Variants in POF1B observed in about 807,000 individuals in gnomAD.
POF1B encodes the protein POF1B actin binding protein, also known as protein POF1B.
A neutral mutation model predicts 55.3 loss-of-function variants in POF1B; 53 were observed. That is an observed-to-expected ratio of 0.96 (90% CI 0.77 to 1.20). POF1B has a LOEUF of 1.20. POF1B is among the 50% of genes most tolerant of loss of function. The pLI is 0.00. For synonymous variants in POF1B, 188 were observed against 148.3 expected (o/e 1.27, Z -1.95); for missense variants, 478 against 420.5 (o/e 1.14, Z -1.20).
intron 14 of POF1B, among the ~76,000 whole-genome samples, chrX:85,303,695 C>T (rs894183914): frequency 9.0e-6 from 1 of 110,720 alleles, no homozygotes; most frequent in Non-Finnish European, 1.9e-5. Flanking sequence ...TATTATATGC[C>T]GGTGCAGGAA....
intron 7 of POF1B, among the ~76,000 whole-genome samples, chrX:85,327,266 C>A (rs1340311260): frequency 9.0e-6 from 1 of 111,295 alleles, no homozygotes; most frequent in Non-Finnish European, 1.9e-5. Context: ...TAGAAAGGAG[C>A]CCCAGTGTGT....
chrX:85,315,783 T>C (rs751950430), intron 7 of POF1B, 49 bp from the exon 8 acceptor site: 3 of 981,271 alleles, frequency 3.1e-6, no homozygotes, highest in South Asian at 2.6e-5. Flanking sequence ...AGGTATTCAC[T>C]GATCATATAT....
chrX:85,314,553 T>C (rs748820470), intron 8 of POF1B, 47 bp from the exon 9 acceptor site: 1 of 961,394 alleles, frequency 1.0e-6, no homozygotes, highest in Non-Finnish European at 1.4e-6. Flanking sequence ...ATATCAATCT[T>C]AAGATCAGCA....
intron 6 of POF1B, among the ~76,000 whole-genome samples, chrX:85,334,395 A>G (rs750600551): frequency 1.8e-5 from 2 of 111,752 alleles, no homozygotes; most frequent in South Asian, 3.7e-4. Context: ...CAAGGAAGGA[A>G]TACAGGCTGT....
At chrX:85,282,831 A>G (rs67488727) in intron 15 of POF1B, among the ~76,000 whole-genome samples, 23,677 of 110,109 alleles carry the variant, frequency 0.22, 2,450 homozygotes, top group African/African-American at 0.4. Flanking sequence ...CTTTGGGTGA[A>G]AACTGATCAG....
rs764682785 is a variant in POF1B at position 85,331,025 on chromosome X, A to G, written c.778T>C (p.Leu260=). 1.5e-5 allele frequency: 18 copies of G among 1,203,846 alleles called. No individual in the cohort carries two copies. Among genetic ancestry groups the G allele is most frequent in the Non-Finnish European group, 1.9e-5 (17 of 891,839 alleles). The change falls in exon 7 of 17, where the codon TTG becomes CTG. Residue 260 remains leucine (L), a synonymous_variant. Transcript: ENST00000262753. ...EKLDPRYFGE[L]LADLSRKNTD... is the part of the protein sequence containing the mutation. ...TTCTTACGGCTCAGATCAGCAAGCAACTCTCCAAAATATCTGGGGTCCAAT... is the reference window on the plus strand; with the variant it reads ...TTCTTACGGCTCAGATCAGCAAGCAGCTCTCCAAAATATCTGGGGTCCAAT...
intron 5 of POF1B, among the ~76,000 whole-genome samples, chrX:85,348,925 A>G (rs1439564514): frequency 1.8e-5 from 2 of 111,527 alleles, no homozygotes; most frequent in Non-Finnish European, 3.8e-5. Context: ...ATTCCTTACT[A>G]TTTAAAACGT....
rs138870815 is a variant in POF1B, at chrX:85,308,647, A to G, written c.958-431T>C. Among the ~76,000 whole-genome samples the G allele has an allele frequency of 7.9e-3, 876 of 111,543 alleles. 11 individuals carry two copies. The highest frequency in any genetic ancestry group is 0.027 in the African/African-American group (830 of 30,759). On this transcript the variant is annotated intron_variant, in intron 9 of 16. Coordinates refer to ENST00000262753, the MANE Select transcript of POF1B (RefSeq NM_024921.4). The stretch of plus-strand genomic sequence containing the variant: ...TTATAATTAAGTTTAACTTTAAAGT[A>G]TAGAGCTATCTAAATATTTTTGGTT...
At chrX:85,319,979 G>A (rs977259156) in intron 7 of POF1B, among the ~76,000 whole-genome samples, 3 of 110,810 alleles carry the variant, frequency 2.7e-5, no homozygotes, top group East Asian at 2.8e-4. Context: ...GTAGAATTTC[G>A]TTGTGAATGC....
intron 4 of POF1B, among the ~76,000 whole-genome samples, chrX:85,357,884 C>T (rs550579612): frequency 1.8e-5 from 2 of 110,825 alleles, no homozygotes; most frequent in Middle Eastern, 4.7e-3. Flanking sequence ...TAAAAATGCA[C>T]CTAAAATGCT....
At chrX:85,303,792 T>C (rs978011736) in intron 14 of POF1B, among the ~76,000 whole-genome samples, 4 of 111,464 alleles carry the variant, frequency 3.6e-5, no homozygotes, top group African/African-American at 1.3e-4. Flanking sequence ...TGAAAGTTTT[T>C]GCTCTGAAAA....
intron 7 of POF1B, among the ~76,000 whole-genome samples, chrX:85,318,437 T>A (rs1315582612): frequency 8.9e-6 from 1 of 111,983 alleles, no homozygotes. Flanking sequence ...TGTCATGAAG[T>A]CTTTGTCAGG....
Position 85,314,505 on chromosome X carries a change from G to A in POF1B, c.884C>T (p.Ser295Leu), listed in dbSNP as rs200954279. Residue 295 changes from serine (S) to leucine (L), a missense_variant and splice_region_variant, in exon 9 of 17, where the codon TCG (serine) becomes TTG (leucine). Ser to Leu is a moderately radical substitution (Grantham distance 145, BLOSUM62 -2). Transcript: ENST00000262753. ...SKQDFESTDE[S>L]EDIESLIPKG... ...AGGAATCAATGATTCAATGTCTTCCGACTGTAAGAAAAAAAGGCTTATCCA... is the reference window on the plus strand; with the variant it reads ...AGGAATCAATGATTCAATGTCTTCCAACTGTAAGAAAAAAAGGCTTATCCA... The A allele has an allele frequency of 1.9e-5, 22 of 1,177,053 alleles. No individual in the cohort carries two copies. Among genetic ancestry groups the A allele is most frequent in the South Asian group, 3.9e-5 (2 of 51,723 alleles).
At chrX:85,297,236 A>G (rs986296088) in intron 15 of POF1B, among the ~76,000 whole-genome samples, 10 of 112,113 alleles carry the variant, frequency 8.9e-5, no homozygotes, top group Non-Finnish European at 1.7e-4. Flanking sequence ...AGTCATTTCA[A>G]TTTGGTTAAG....
chrX:85,375,706 A>G (rs940695096), intron 2 of POF1B, among the ~76,000 whole-genome samples: 3 of 111,606 alleles, frequency 2.7e-5, no homozygotes. Context: ...AGTGGAAGAG[A>G]AGAGTTATCC....
At chrX:85,316,207 C>T (rs1305774938) in intron 7 of POF1B, among the ~76,000 whole-genome samples, 4 of 111,745 alleles carry the variant, frequency 3.6e-5, no homozygotes, top group African/African-American at 1.3e-4. Context: ...GCTTGCAAGA[C>T]AAGCCTGAAT....
intron 4 of POF1B, among the ~76,000 whole-genome samples, chrX:85,352,549 T>C (rs1314779627): frequency 9.0e-6 from 1 of 111,620 alleles, no homozygotes; most frequent in African/African-American, 3.2e-5. Flanking sequence ...CAACCAAATG[T>C]TCCTTGGGGA....
At chrX:85,315,981 G>A (rs1279631144) in intron 7 of POF1B, among the ~76,000 whole-genome samples, 7 of 111,248 alleles carry the variant, frequency 6.3e-5, no homozygotes, top group Admixed American at 5.8e-4. Context: ...AAAATATGCA[G>A]AAGTGGTTAG....
At chrX:85,284,754 T>C (rs969128715) in intron 15 of POF1B, among the ~76,000 whole-genome samples, 7 of 111,647 alleles carry the variant, frequency 6.3e-5, no homozygotes, top group African/African-American at 2.3e-4. Flanking sequence ...GGGCAAAGAC[T>C]TCATGACTAA....
Sources: gnomAD v4.1 joint callset for allele counts (sites outside exome capture counted in the v4.1 genomes callset) on GRCh38, gnomAD v4.1.1 for gene constraint, MANE v1.5 for transcripts, NCBI Gene and HGNC (gene_info 2026-07-23, HGNC 2026-07-21) for gene names.